Variants in PITPNM3 observed in about 807,000 individuals in gnomAD.
PITPNM3 encodes PITPNM family member 3.
Under a neutral mutation model 102.0 loss-of-function variants are expected in PITPNM3, and 26 were observed. The ratio of observed to expected loss-of-function variants is 0.25; its 90% confidence interval spans 0.19 to 0.35. The LOEUF (loss-of-function observed/expected upper bound fraction) is 0.35. Ranked by LOEUF, PITPNM3 falls within the 10% of genes least tolerant of loss-of-function variation. The pLI is 1.00. For missense variants in PITPNM3, 1,083 were observed against 1,346.1 expected (o/e 0.80, Z 3.06); for synonymous variants, 578 against 558.6 (o/e 1.03, Z -0.49).
At position 6,472,436 on chromosome 17, in the gene PITPNM3, T is replaced by G. The variant is rs1905115323; in HGVS notation, c.1429+221A>C. Among the ~76,000 whole-genome samples, 1 of 152,308 alleles carries G rather than the reference T, an allele frequency of 6.6e-6. No individual in the cohort carries two copies. Among genetic ancestry groups the G allele is most frequent in the Admixed American group, 6.5e-5 (1 of 15,310 alleles). On this transcript the variant is annotated intron_variant, in intron 11 of 19. Transcript: ENST00000262483. The surrounding 1 kb of genome is among the most constrained non-coding windows in gnomAD (Gnocchi z 4.1). Reference sequence around the variant, plus strand: ...TACACCAGCCCTGGCCACAGGAGTGTGTCCGGGAGCCTGTTGGGGGCCTCT... The same window carrying G: ...TACACCAGCCCTGGCCACAGGAGTGGGTCCGGGAGCCTGTTGGGGGCCTCT...
At chr17:6,490,210 G>A (rs971117275) in intron 4 of PITPNM3, among the ~76,000 whole-genome samples, 7 of 152,032 alleles carry the variant, frequency 4.6e-5, no homozygotes, top group East Asian at 3.9e-4. Flanking sequence ...AGGTGAGCCC[G>A]CATGACACAC....
At position 6,457,886 on chromosome 17, in the gene PITPNM3, G is replaced by A. The variant is rs1254862706; in HGVS notation, c.2491-164C>T. Among the ~76,000 whole-genome samples the A allele has an allele frequency of 6.6e-6, 1 of 151,938 alleles. No individual in the cohort carries two copies. The highest frequency in any genetic ancestry group is 1.5e-5 in the Non-Finnish European group (1 of 67,988). On this transcript the variant is annotated intron_variant, in intron 18 of 19. Coordinates refer to ENST00000262483, the MANE Select transcript of PITPNM3 (RefSeq NM_031220.4). This position sits in a 1 kb window ranked among gnomAD's most constrained non-coding sequence, Gnocchi z 4.7. ...GTGTCAGGAATGAACCCTCAGAGTG[G>A]CTGCCCCTCCCTGCACCCCAGGCCC...
At position 6,503,452 on chromosome 17, in the gene PITPNM3, G is replaced by A. The variant is rs1336694456; in HGVS notation, c.274+75C>T. The A allele has an allele frequency of 5.3e-6, 8 of 1,511,986 alleles. No homozygotes were observed. The South Asian group carries it at 7.9e-5, about 15-fold the overall frequency. The allele number at this position is 1,511,986 out of a possible 1,614,324, so 93.7% of individuals were successfully genotyped here. ...ATCCTTTCAGGCTCTGAGTGGATGA[G>A]AGGGGACCCAGGCTCAATGAGCTTG... On this transcript the variant is annotated intron_variant, in intron 4 of 19. Coordinates refer to ENST00000262483, the MANE Select transcript of PITPNM3 (RefSeq NM_031220.4).
chr17:6,504,662 G>A (rs1019824055), intron 3 of PITPNM3, among the ~76,000 whole-genome samples: 8 of 152,240 alleles, frequency 5.3e-5, no homozygotes, highest in Non-Finnish European at 8.8e-5. Flanking sequence ...AAGATAGCAC[G>A]GATCCAGTGC....
chr17:6,476,416 G>T (rs1159257690), intron 9 of PITPNM3, among the ~76,000 whole-genome samples: 1 of 152,224 alleles, frequency 6.6e-6, no homozygotes, highest in Non-Finnish European at 1.5e-5. Context: ...TTAATGTGCA[G>T]ATAATGTGTT....
At position 6,537,068 on chromosome 17, in the gene PITPNM3, AC is replaced by A. The variant is rs913749821; in HGVS notation, c.118+918del. 1.5e-4 allele frequency among the ~76,000 whole-genome samples: 22 copies of A among 151,660 alleles called. No homozygotes were observed. Among genetic ancestry groups the A allele is most frequent in the Admixed American group, 2.6e-4 (4 of 15,238 alleles). Reference sequence around the variant, plus strand: ...AGGCTGATCTCTGCCTGAAATGTCCACCCCTTTGGATGCCCCTTTCTTTCAA... The same window carrying A: ...AGGCTGATCTCTGCCTGAAATGTCCACCCTTTGGATGCCCCTTTCTTTCAA... On this transcript the variant is annotated intron_variant, in intron 2 of 19. Coordinates refer to ENST00000262483, the MANE Select transcript of PITPNM3 (RefSeq NM_031220.4). This position sits in a 1 kb window ranked among gnomAD's most constrained non-coding sequence, Gnocchi z 4.4.
chr17:6,536,691 C>T (rs765036634), intron 2 of PITPNM3, among the ~76,000 whole-genome samples: 1 of 152,224 alleles, frequency 6.6e-6, no homozygotes, highest in African/African-American at 2.4e-5. Context: ...CAGAACTAGT[C>T]GATGGCATGG....
At chr17:6,491,836 T>TATATAA (rs148932496) in intron 4 of PITPNM3, among the ~76,000 whole-genome samples, 42,545 of 139,032 alleles carry the variant, frequency 0.31, 7,159 homozygotes, top group Middle Eastern at 0.45. Flanking sequence ...TATATATATA[T>TATATAA]AATAAAGAAT....
chr17:6,528,340 G>A (rs1050702711), intron 2 of PITPNM3, among the ~76,000 whole-genome samples: 1 of 151,940 alleles, frequency 6.6e-6, no homozygotes, highest in African/African-American at 2.4e-5. Context: ...CATTCTCTAT[G>A]GATTTCTCTT....
At chr17:6,541,544 G>A (rs1909733645) in intron 1 of PITPNM3, among the ~76,000 whole-genome samples, 1 of 152,080 alleles carries the variant, frequency 6.6e-6, no homozygotes, top group African/African-American at 2.4e-5. Context: ...CGGAAGCTTG[G>A]AACAGGTGAG....
At chr17:6,546,092 G>C (rs1272587410) in intron 1 of PITPNM3, among the ~76,000 whole-genome samples, 2 of 152,254 alleles carry the variant, frequency 1.3e-5, no homozygotes, top group Non-Finnish European at 2.9e-5. Context: ...CCTTGAAGGG[G>C]GGCTGTCCAG....
chr17:6,477,306 C>A, intron 8 of PITPNM3, 93 bp from the exon 9 acceptor site: 1 of 1,331,738 alleles, frequency 7.5e-7, no homozygotes, highest in Non-Finnish European at 1.1e-6. Flanking sequence ...AAACCAACCC[C>A]TTCATCCTAA....
chr17:6,543,477 T>A (rs539776822), intron 1 of PITPNM3, among the ~76,000 whole-genome samples: 1 of 152,340 alleles, frequency 6.6e-6, no homozygotes, highest in African/African-American at 2.4e-5. Context: ...GCCTCCCCCA[T>A]GCTCAGGAGC....
chr17:6,511,631 A>G (rs915519312), intron 3 of PITPNM3, among the ~76,000 whole-genome samples: 1 of 152,172 alleles, frequency 6.6e-6, no homozygotes, highest in Admixed American at 6.5e-5. Flanking sequence ...TGCAAAGGAC[A>G]AATGCTCACA....
At chr17:6,484,117 G>A (rs754861965) in intron 5 of PITPNM3, 99 bp downstream of exon 5, 38 of 1,328,072 alleles carry the variant, frequency 2.9e-5, no homozygotes, top group Admixed American at 3.4e-5. Flanking sequence ...CAAGTCAGAC[G>A]AAGAGCTGGA....
At chr17:6,465,393 AC>A (rs1203144329) in intron 14 of PITPNM3, among the ~76,000 whole-genome samples, 1 of 152,198 alleles carries the variant, frequency 6.6e-6, no homozygotes, top group Non-Finnish European at 1.5e-5. Context: ...AACTGGCCTC[AC>A]AGCCTGTGCT....
chr17:6,504,530 G>A (rs1907373314), intron 3 of PITPNM3, among the ~76,000 whole-genome samples: 1 of 152,188 alleles, frequency 6.6e-6, no homozygotes, highest in Non-Finnish European at 1.5e-5. Context: ...TCAAAAGCAG[G>A]CAGGGGTAAA....
At chr17:6,474,634 C>A in intron 9 of PITPNM3, 30 bp from the exon 10 acceptor site, 1 of 1,547,856 alleles carries the variant, frequency 6.5e-7, no homozygotes, top group Non-Finnish European at 8.7e-7. Flanking sequence ...CAGGGCAGGG[C>A]AGGTCAGGGA....
In PITPNM3 at chr17:6,471,189, G is replaced by T. The variant is rs954237971; in HGVS notation, c.1596C>A (p.Asp532Glu). Residue 532 changes from aspartate (D) to glutamate (E), a missense_variant, in exon 12 of 20, where the codon GAC becomes GAA. Physicochemically the swap from Asp to Glu is conservative, Grantham distance 45. Coordinates refer to ENST00000262483, the MANE Select transcript of PITPNM3 (RefSeq NM_031220.4). ...GGGAGGCACCCACGGGTGCCATGCT[G>T]TCCGAGGACTCCGAGCTCTCGCTGT... ...SSHSESSESS[D>E]SMAPVGASRI... 1.2e-6 allele frequency: 2 copies of T among 1,612,974 alleles called. No individual in the cohort carries two copies. The highest frequency in any genetic ancestry group is 1.7e-6 in the Non-Finnish European group (2 of 1,179,988).
Sources: allele counts gnomAD v4.1 joint callset (sites outside exome capture counted in the v4.1 genomes callset), GRCh38; gene constraint gnomAD v4.1.1; non-coding constraint Gnocchi (gnomAD v3.1); transcripts MANE v1.5; gene names NCBI Gene and HGNC (gene_info 2026-07-23, HGNC 2026-07-21).